Variants in GRID1 observed in about 807,000 individuals in gnomAD.
GRID1 encodes the protein glutamate receptor ionotropic, delta-1.
Under a neutral mutation model 98.0 loss-of-function variants are expected in GRID1, and 28 were observed. That is an observed-to-expected ratio of 0.29 (90% CI 0.21 to 0.39). The LOEUF (loss-of-function observed/expected upper bound fraction) is 0.39. GRID1 is among the 10% of genes least tolerant of loss of function. GRID1 has a pLI of 1.00. For missense variants in GRID1, 1,111 were observed against 1,340.5 expected (o/e 0.83, Z 2.67); for synonymous variants, 553 against 538.5 (o/e 1.03, Z -0.37).
Position 86,210,388 on chromosome 10 carries a change from C to T in GRID1, c.236-3740G>A, listed in dbSNP as rs76116941. On this transcript the variant is annotated intron_variant, in intron 2 of 15. Coordinates refer to ENST00000327946, the MANE Select transcript of GRID1 (RefSeq NM_017551.3). Reference sequence around the variant, plus strand: ...ATGGGCATGTCCCTTTCTCAGCCTCCATTTTCTATTAAATAGGAATAAGAA... The same window carrying T: ...ATGGGCATGTCCCTTTCTCAGCCTCTATTTTCTATTAAATAGGAATAAGAA... Among the ~76,000 whole-genome samples the T allele has an allele frequency of 6.2e-3, 937 of 152,316 alleles. 9 individuals are homozygous for T. Among genetic ancestry groups the T allele is most frequent in the African/African-American group, 0.022 (903 of 41,574 alleles).
intron 5 of GRID1, among the ~76,000 whole-genome samples, chr10:85,884,120 C>A (rs1841078575): frequency 6.6e-6 from 1 of 152,166 alleles, no homozygotes; most frequent in Non-Finnish European, 1.5e-5. Context: ...CCTATTACCA[C>A]TTTACATTTG....
chr10:85,812,133 T>C (rs1842677356), intron 8 of GRID1, among the ~76,000 whole-genome samples: 1 of 152,158 alleles, frequency 6.6e-6, no homozygotes, highest in Admixed American at 6.5e-5. Flanking sequence ...ATAAAGTCTT[T>C]CCCAGATAAG....
chr10:86,031,998 C>T (rs537158043), intron 4 of GRID1, among the ~76,000 whole-genome samples: 1 of 152,290 alleles, frequency 6.6e-6, no homozygotes, highest in South Asian at 2.1e-4. Context: ...CTCCCCTCCC[C>T]ACCTTTCTGT....
Position 85,928,522 on chromosome 10 carries a change from T to C in GRID1, c.727-12283A>G, listed in dbSNP as rs534170899. On this transcript the variant is annotated intron_variant, in intron 4 of 15. Coordinates refer to ENST00000327946, the MANE Select transcript of GRID1 (RefSeq NM_017551.3). ...CTCCAGCTGCAGAACTGGTGACCTG[T>C]GAAGGCTGGGAGCTGGGCCAAAAGT... Among the ~76,000 whole-genome samples, 11 of 152,310 alleles carry C rather than the reference T, an allele frequency of 7.2e-5. No homozygotes were observed. The East Asian group carries it at 1.9e-3, about 27-fold the overall frequency.
intron 2 of GRID1, among the ~76,000 whole-genome samples, chr10:86,228,205 G>C (rs1208294356): frequency 6.7e-6 from 1 of 150,068 alleles, no homozygotes; most frequent in African/African-American, 2.5e-5. Context: ...GTGTAGGTGG[G>C]TGGGTGAGTA....
rs72842935 is a variant in GRID1, at chr10:85,884,712, T to C, written c.781-15532A>G. ...TTAAAGAGATCAGCCCTGTGAGAGA[T>C]GATGGTAACTTAAGCTAAGGTGGCT... is the stretch of plus-strand genomic sequence containing the variant. On this transcript the variant is annotated intron_variant, in intron 5 of 15. Coordinates refer to ENST00000327946, the MANE Select transcript of GRID1 (RefSeq NM_017551.3). 3.7e-3 allele frequency among the ~76,000 whole-genome samples: 559 copies of C among 152,296 alleles called. 10 individuals carry two copies. Among genetic ancestry groups the C allele is most frequent in the South Asian group, 0.021 (103 of 4,828 alleles).
chr10:85,681,540 T>C (rs1841208971), intron 12 of GRID1, among the ~76,000 whole-genome samples: 1 of 152,042 alleles, frequency 6.6e-6, no homozygotes. Context: ...TTCCCCAGAG[T>C]TCACTGTGGG....
intron 4 of GRID1, among the ~76,000 whole-genome samples, chr10:86,131,836 C>A (rs1844842840): frequency 6.6e-6 from 1 of 152,152 alleles, no homozygotes; most frequent in Non-Finnish European, 1.5e-5. Flanking sequence ...AAGTTCTAGA[C>A]AACGTTTGTG....
intron 8 of GRID1, among the ~76,000 whole-genome samples, chr10:85,754,924 GA>G (rs1409957576): frequency 5.9e-5 from 9 of 152,156 alleles, no homozygotes; most frequent in African/African-American, 2.2e-4. Context: ...TGGCATATTG[GA>G]GGTACTAAAT....
chr10:86,015,603 G>A (rs961226588), intron 4 of GRID1, among the ~76,000 whole-genome samples: 11 of 152,210 alleles, frequency 7.2e-5, no homozygotes, highest in Non-Finnish European at 1.5e-4. Context: ...TGGCAGCCAC[G>A]TTCAGCAACA....
intron 8 of GRID1, among the ~76,000 whole-genome samples, chr10:85,762,078 C>T (rs907012536): frequency 6.6e-6 from 1 of 152,202 alleles, no homozygotes; most frequent in Non-Finnish European, 1.5e-5. Flanking sequence ...CACCCACAGT[C>T]GCTGTATCCA....
intron 5 of GRID1, among the ~76,000 whole-genome samples, chr10:85,900,456 A>G (rs1302078619): frequency 6.6e-6 from 1 of 152,180 alleles, no homozygotes; most frequent in Admixed American, 6.5e-5. Context: ...TTTCAAATAC[A>G]TTTGCTGCAT....
intron 2 of GRID1, among the ~76,000 whole-genome samples, chr10:86,252,022 C>T (rs1902666): frequency 0.82 from 124,268 of 152,154 alleles, 51,570 homozygotes; most frequent in Non-Finnish European, 0.87. Context: ...GAGGTTGGTA[C>T]GGGTGTCCCC....
chr10:86,053,953 C>T (rs1267685062), intron 4 of GRID1, among the ~76,000 whole-genome samples: 2 of 152,200 alleles, frequency 1.3e-5, no homozygotes, highest in African/African-American at 4.8e-5. Flanking sequence ...CAGAGTAATT[C>T]CACTTTCCCA....
At position 86,138,864 on chromosome 10, in the gene GRID1, G is replaced by A. The variant is rs374244266; in HGVS notation, c.681C>T (p.Ala227=). ...LNRYRDTLRR[A]ILLLSPQGAH... Reference sequence around the variant, plus strand: ...CTCCCTGTGGGCTGAGCAGCAGGATGGCGCGGCGAAGCGTGTCCCGGTAGC... The same window carrying A: ...CTCCCTGTGGGCTGAGCAGCAGGATAGCGCGGCGAAGCGTGTCCCGGTAGC... Residue 227 remains alanine (A), a synonymous_variant, in exon 4 of 16, where the codon GCC becomes GCT. Transcript: ENST00000327946. 1 of 1,614,236 alleles carries A rather than the reference G, an allele frequency of 6.2e-7. No homozygotes were observed. The highest frequency in any genetic ancestry group is 1.1e-5 in the South Asian group (1 of 91,082).
At chr10:85,687,408 T>C (rs1357546645) in intron 12 of GRID1, among the ~76,000 whole-genome samples, 1 of 152,164 alleles carries the variant, frequency 6.6e-6, no homozygotes, top group Non-Finnish European at 1.5e-5. Flanking sequence ...GGAAACATGT[T>C]AGTAATTGTT....
intron 2 of GRID1, among the ~76,000 whole-genome samples, chr10:86,225,363 T>C (rs1846323881): frequency 6.6e-6 from 1 of 152,212 alleles, no homozygotes. Context: ...GAGTGTTTTT[T>C]AAAAGGATAT....
At chr10:85,780,824 A>C (rs1254764633) in intron 8 of GRID1, among the ~76,000 whole-genome samples, 1 of 152,252 alleles carries the variant, frequency 6.6e-6, no homozygotes, top group African/African-American at 2.4e-5. Context: ...TCTGAGGATT[A>C]AATTAGGCAT....
At chr10:85,983,148 T>C (rs1035065614) in intron 4 of GRID1, among the ~76,000 whole-genome samples, 3 of 152,190 alleles carry the variant, frequency 2.0e-5, no homozygotes, top group Admixed American at 6.5e-5. Context: ...GTGGGCAGCC[T>C]GCTCCTGAGC....
Sources: allele counts gnomAD v4.1 joint callset (sites outside exome capture counted in the v4.1 genomes callset), GRCh38; gene constraint gnomAD v4.1.1; transcripts MANE v1.5; gene names NCBI Gene and HGNC (gene_info 2026-07-23, HGNC 2026-07-21).